Variants in SNX25 observed in about 807,000 individuals in gnomAD.
SNX25 encodes the protein sorting nexin-25.
SNX25 carries 62 observed loss-of-function variants against 113.7 expected under a neutral mutation model. The ratio of observed to expected loss-of-function variants is 0.55; its 90% CI spans 0.44 to 0.67. The LOEUF (loss-of-function observed/expected upper bound fraction) is 0.67. SNX25 is among the 30% of genes least tolerant of loss of function. The probability of loss-of-function intolerance (pLI) is 0.00; values close to 1 mark genes in which losing one functional copy is unlikely to be tolerated. For synonymous variants in SNX25, 421 were observed against 436.2 expected (o/e 0.97, Z 0.43); for missense variants, 1,014 against 1,161.0 (o/e 0.87, Z 1.84).
chr4:185,335,316 T>TCACACACA (rs3047486), intron 10 of SNX25, among the ~76,000 whole-genome samples: 131 of 140,898 alleles, frequency 9.3e-4, no homozygotes, highest in African/African-American at 1.8e-3. Context: ...TGAAAAAGTC[T>TCACACACA]CACACACACA....
chr4:185,235,798 C>G (rs1490239613), intron 1 of SNX25, among the ~76,000 whole-genome samples: 1 of 152,208 alleles, frequency 6.6e-6, no homozygotes, highest in Non-Finnish European at 1.5e-5. Context: ...GTTTGGGAGG[C>G]TGAGGTGGGA....
intron 6 of SNX25, among the ~76,000 whole-genome samples, chr4:185,302,711 G>A (rs113068531): frequency 0.02 from 2,981 of 152,292 alleles, 40 homozygotes; most frequent in Middle Eastern, 0.044. Context: ...AGAGCTGTGC[G>A]GAGTAAATGT....
At chr4:185,269,757 T>G (rs1178799146) in intron 5 of SNX25, among the ~76,000 whole-genome samples, 3 of 152,154 alleles carry the variant, frequency 2.0e-5, no homozygotes, top group Non-Finnish European at 4.4e-5. Flanking sequence ...TGTTGTTTTT[T>G]AAGAGACAAG....
chr4:185,284,144 CTT>C (rs1323919808), intron 5 of SNX25, among the ~76,000 whole-genome samples: 1 of 152,122 alleles, frequency 6.6e-6, no homozygotes, highest in Non-Finnish European at 1.5e-5. Context: ...TTAAGAGACT[CTT>C]GATCTAGTTG....
chr4:185,287,963 A>T (rs1287238411), intron 5 of SNX25, 49 bp from the exon 6 acceptor site: 1 of 1,431,316 alleles, frequency 7.0e-7, no homozygotes, highest in South Asian at 1.2e-5. Context: ...TTCTGAAAAT[A>T]GTATTTTCTT....
the SNX25 span, chr4:185,378,486 C>T: frequency 8.8e-7 from 1 of 1,133,246 alleles, no homozygotes; most frequent in African/African-American, 1.6e-5. Flanking sequence ...GTTTATACAT[C>T]AAGATGGGTC....
intron 7 of SNX25, among the ~76,000 whole-genome samples, chr4:185,315,356 C>G (rs1451207920): frequency 6.9e-6 from 1 of 144,072 alleles, no homozygotes; most frequent in Non-Finnish European, 1.5e-5. Flanking sequence ...TGCAGTGGTG[C>G]CATCTCAGCT....
At chr4:185,346,700 G>A in intron 13 of SNX25, 50 bp downstream of exon 13, 1 of 1,188,422 alleles carries the variant, frequency 8.4e-7, no homozygotes, top group African/African-American at 1.6e-5. Flanking sequence ...AGTTATTTAG[G>A]GTTAAACTGT....
At chr4:185,244,365 A>T (rs1234256196) in intron 1 of SNX25, among the ~76,000 whole-genome samples, 1 of 152,236 alleles carries the variant, frequency 6.6e-6, no homozygotes, top group Non-Finnish European at 1.5e-5. Context: ...ACTATTTGCC[A>T]AAGCATTGAG....
downstream of SNX25, among the ~76,000 whole-genome samples, chr4:185,373,649 C>T (rs751196161): frequency 2.6e-5 from 4 of 152,162 alleles, no homozygotes; most frequent in Non-Finnish European, 4.4e-5. Flanking sequence ...TGCAAATTTG[C>T]CATTAACTCC....
intron 1 of SNX25, among the ~76,000 whole-genome samples, chr4:185,246,677 C>G (rs1744912384): frequency 6.6e-6 from 1 of 152,146 alleles, no homozygotes; most frequent in South Asian, 2.1e-4. Context: ...ATTGCATCAT[C>G]TTTTGTGAAA....
chr4:185,299,502 A>G (rs537506966), intron 6 of SNX25, among the ~76,000 whole-genome samples: 10 of 149,758 alleles, frequency 6.7e-5, no homozygotes. Flanking sequence ...TGCGCCCCAG[A>G]GTTTGCATTA....
chr4:185,205,604 G>C (rs182287957), upstream of SNX25, among the ~76,000 whole-genome samples: 2 of 152,162 alleles, frequency 1.3e-5, no homozygotes, highest in Admixed American at 6.5e-5. Flanking sequence ...TGAGGTGGGC[G>C]GATCACCTGA....
rs2095262513 is a variant in SNX25 at position 185,342,029 on chromosome 4, A to C, written c.2100A>C (p.Leu700=). The C allele has an allele frequency of 6.2e-7, 1 of 1,611,976 alleles. No homozygotes were observed. Among genetic ancestry groups the C allele is most frequent in the Admixed American group, 1.7e-5 (1 of 59,638 alleles). ...CATGTTACTTTGTCATGGTAAGCCTACAAGAAGTTGGAGGAGTTGAAACTA... is the reference window on the plus strand; with the variant it reads ...CATGTTACTTTGTCATGGTAAGCCTCCAAGAAGTTGGAGGAGTTGAAACTA... ...QLPCYFVMVS[L]QEVGGVETKN... is the part of the protein sequence containing the mutation. Residue 700 remains leucine, a synonymous_variant, in exon 12 of 19, where the codon CTA becomes CTC. Coordinates refer to ENST00000652585, the MANE Select transcript of SNX25 (RefSeq NM_001378034.2).
chr4:185,257,095 A>C (rs937641695), intron 2 of SNX25, among the ~76,000 whole-genome samples: 1 of 151,982 alleles, frequency 6.6e-6, no homozygotes, highest in Admixed American at 6.6e-5. Flanking sequence ...GTGTGCAGAC[A>C]AGCAAAGAAA....
chr4:185,342,977 G>A (rs1218356534), intron 12 of SNX25, among the ~76,000 whole-genome samples: 8 of 152,052 alleles, frequency 5.3e-5, no homozygotes, highest in African/African-American at 1.9e-4. Flanking sequence ...TGCAACCTCC[G>A]CCTCCCAGGT....
At chr4:185,258,729 C>T in intron 2 of SNX25, 119 bp from the exon 3 acceptor site, 2 of 757,172 alleles carry the variant, frequency 2.6e-6, no homozygotes, top group Non-Finnish European at 4.2e-6. Flanking sequence ...CTGTTTTCTC[C>T]TCTCTTTAAT....
chr4:185,313,646 G>GTATATTGTGGGA (rs1297618619), intron 7 of SNX25, among the ~76,000 whole-genome samples: 17 of 152,308 alleles, frequency 1.1e-4, no homozygotes, highest in Middle Eastern at 3.4e-3. Context: ...ATTATGATAT[G>GTATATTGTGGGA]TATATTGTGG....
chr4:185,213,763 T>TA lies in SNX25; in HGVS notation c.429+3509dup, dbSNP rs546523602. ...AATGAATCCATAGTTTAGAAAAACT[T>TA]ACTATCATCATAAGATCAGCAATTC... On this transcript the variant is annotated intron_variant, in intron 1 of 18. Coordinates refer to ENST00000652585, the MANE Select transcript of SNX25 (RefSeq NM_001378034.2). Among the ~76,000 whole-genome samples, 18 of 152,322 alleles carry TA rather than the reference T, an allele frequency of 1.2e-4. No homozygotes were observed. The East Asian group carries it at 3.5e-3, about 29-fold the overall frequency.
Sources: gnomAD v4.1 joint callset for allele counts (sites outside exome capture counted in the v4.1 genomes callset) on GRCh38, gnomAD v4.1.1 for gene constraint, MANE v1.5 for transcripts, NCBI Gene and HGNC (gene_info 2026-07-23, HGNC 2026-07-21) for gene names.